Variants in HYCC1 observed in about 807,000 individuals in gnomAD.
HYCC1 encodes the protein hyccin PI4KA lipid kinase complex subunit 1, also known as hyccin.
chr7:22,913,976 A>G, the HYCC1 span, among the ~76,000 whole-genome samples: 1 of 152,194 alleles, frequency 6.6e-6, no homozygotes, highest in African/African-American at 2.4e-5. Context: ...AAATTGGGTA[A>G]GCAGTCTTTT....
the HYCC1 span, among the ~76,000 whole-genome samples, chr7:22,899,866 A>T: frequency 1.3e-4 from 20 of 151,916 alleles, no homozygotes; most frequent in South Asian, 2.1e-4. Context: ...CTTTTTTTTT[A>T]AAGAAAAGTT....
the HYCC1 span, among the ~76,000 whole-genome samples, chr7:22,954,028 C>T: frequency 6.6e-6 from 1 of 151,458 alleles, no homozygotes; most frequent in Non-Finnish European, 1.5e-5. Context: ...AAGTTTACTA[C>T]TTTGGGGTTT....
At chr7:22,936,589 T>A in the HYCC1 span, 3 of 152,252 alleles carry the variant, frequency 2.0e-5, no homozygotes, top group Admixed American at 2.0e-4. Flanking sequence ...GTCCAATATG[T>A]TTAGCTCCCA....
the HYCC1 span, among the ~76,000 whole-genome samples, chr7:22,984,832 C>G: frequency 1.3e-5 from 2 of 152,262 alleles, no homozygotes; most frequent in Non-Finnish European, 2.9e-5. Context: ...GATATCCACA[C>G]TACCAACAAA....
chr7:22,942,727 G>C, the HYCC1 span: 1 of 152,134 alleles, frequency 6.6e-6, no homozygotes, highest in African/African-American at 2.4e-5. Flanking sequence ...GTGACCATCA[G>C]CATCTTTATA....
At chr7:22,905,078 A>T in the HYCC1 span, among the ~76,000 whole-genome samples, 1 of 152,086 alleles carries the variant, frequency 6.6e-6, no homozygotes, top group Non-Finnish European at 1.5e-5. Flanking sequence ...AGTTTTAAAA[A>T]ACCAGATCTT....
At chr7:22,941,160 A>T in the HYCC1 span, 6 of 152,174 alleles carry the variant, frequency 3.9e-5, no homozygotes, top group Non-Finnish European at 4.4e-5. Context: ...CAATGGCTCA[A>T]CTTACCTAAG....
At chr7:22,982,457 G>A in the HYCC1 span, among the ~76,000 whole-genome samples, 5 of 152,122 alleles carry the variant, frequency 3.3e-5, no homozygotes, top group South Asian at 2.1e-4. Context: ...CTCAAAAGAA[G>A]AGCCTCCCTC....
chr7:22,974,857 A>G, the HYCC1 span, among the ~76,000 whole-genome samples: 1 of 152,180 alleles, frequency 6.6e-6, no homozygotes, highest in African/African-American at 2.4e-5. Flanking sequence ...TGTTCTCACA[A>G]TAGTGAATAA....
the HYCC1 span, among the ~76,000 whole-genome samples, chr7:22,985,960 A>G: frequency 6.6e-6 from 1 of 150,874 alleles, no homozygotes; most frequent in East Asian, 1.9e-4. Context: ...ATCTAACTAT[A>G]AAATTGAAGA....
At chr7:22,958,620 T>G in the HYCC1 span, among the ~76,000 whole-genome samples, 1 of 152,078 alleles carries the variant, frequency 6.6e-6, no homozygotes, top group Admixed American at 6.6e-5. Flanking sequence ...ATTCAAGCAG[T>G]CTTTTCTCTT....
chr7:22,965,452 A>C, the HYCC1 span, among the ~76,000 whole-genome samples: 1 of 151,310 alleles, frequency 6.6e-6, no homozygotes, highest in African/African-American at 2.4e-5. Context: ...TTTTTTTTCA[A>C]GAAACTACCA....
the HYCC1 span, among the ~76,000 whole-genome samples, chr7:23,001,465 T>C: frequency 1.3e-5 from 2 of 152,138 alleles, no homozygotes; most frequent in Non-Finnish European, 2.9e-5. Flanking sequence ...TTTACTCTGG[T>C]TTACTCTTTT....
At chr7:22,981,735 A>T in the HYCC1 span, among the ~76,000 whole-genome samples, 1 of 152,254 alleles carries the variant, frequency 6.6e-6, no homozygotes, top group African/African-American at 2.4e-5. Context: ...TATTGTTACA[A>T]GATCCAAGTG....
the HYCC1 span, among the ~76,000 whole-genome samples, chr7:23,008,960 G>T: frequency 6.6e-6 from 1 of 151,928 alleles, no homozygotes; most frequent in Admixed American, 6.6e-5. Context: ...TATCATAAAA[G>T]AAAAATTTGA....
At chr7:22,972,599 C>G in the HYCC1 span, among the ~76,000 whole-genome samples, 3 of 152,330 alleles carry the variant, frequency 2.0e-5, no homozygotes, top group East Asian at 1.9e-4. Context: ...TTAGAGGACT[C>G]TGGCATATAC....
At chr7:22,944,743 A>G in the HYCC1 span, 1 of 152,274 alleles carries the variant, frequency 6.6e-6, no homozygotes, top group African/African-American at 2.4e-5. Flanking sequence ...AGGAGTCCAA[A>G]CTAACTAGGA....
the HYCC1 span, among the ~76,000 whole-genome samples, chr7:22,985,281 T>C: frequency 6.6e-6 from 1 of 152,216 alleles, no homozygotes; most frequent in Non-Finnish European, 1.5e-5. Context: ...CATAAATTTT[T>C]ACAATAAAGA....
At chr7:22,917,193 C>T in the HYCC1 span, among the ~76,000 whole-genome samples, 2 of 152,318 alleles carry the variant, frequency 1.3e-5, no homozygotes, top group South Asian at 2.1e-4. Context: ...TACTCCCCCA[C>T]TGAAACTTCC....
Sources: allele counts gnomAD v4.1 joint callset (sites outside exome capture counted in the v4.1 genomes callset), GRCh38; gene constraint gnomAD v4.1.1; transcripts MANE v1.5; gene names NCBI Gene and HGNC (gene_info 2026-07-23, HGNC 2026-07-21).